The following IL17RD variants were observed in gnomAD, a reference collection of about 807,000 sequenced individuals.
The protein encoded by IL17RD is interleukin-17 receptor D.
In IL17RD, 52 loss-of-function variants were observed where a neutral mutation model predicts 80.5. That is an observed-to-expected ratio of 0.65 (90% confidence interval 0.52 to 0.81). The LOEUF (loss-of-function observed/expected upper bound fraction) is 0.81. Among genes scored for constraint, IL17RD ranks in the 40% least tolerant of loss-of-function variants. IL17RD has a pLI of 0.00. For synonymous variants in IL17RD, 416 were observed against 391.8 expected (o/e 1.06, Z -0.73); for missense variants, 1,024 against 955.1 (o/e 1.07, Z -0.95).
intron 11 of IL17RD, 116 bp from the exon 12 acceptor site, chr3:57,098,654 A>G: frequency 1.4e-6 from 1 of 706,056 alleles, no homozygotes; most frequent in South Asian, 1.8e-5. Flanking sequence ...CTTAACCCTT[A>G]TTAGCACAGC....
upstream of IL17RD, among the ~76,000 whole-genome samples, chr3:57,166,477 G>A (rs934950640): frequency 1.3e-5 from 2 of 152,056 alleles, no homozygotes; most frequent in African/African-American, 2.4e-5. Flanking sequence ...ACTGAAGCCT[G>A]AGTGACACAG....
chr3:57,142,543 C>A, intron 1 of IL17RD: 1 of 1,278,500 alleles, frequency 7.8e-7, no homozygotes, highest in Non-Finnish European at 1.0e-6. Context: ...ACCTCCCCCA[C>A]TCCGGCCTCC....
intron 2 of IL17RD, among the ~76,000 whole-genome samples, chr3:57,115,290 T>C (rs1326869394): frequency 2.6e-5 from 4 of 152,208 alleles, no homozygotes; most frequent in African/African-American, 4.8e-5. Flanking sequence ...TGTGAATTCA[T>C]AGGGGAGAGA....
At chr3:57,109,739 A>G (rs1707051861) in intron 4 of IL17RD, 82 bp from the exon 5 acceptor site, 5 of 1,373,486 alleles carry the variant, frequency 3.6e-6, no homozygotes, top group Non-Finnish European at 5.0e-6. Context: ...TCCTACCCCA[A>G]CTGCCACCCA....
Position 57,136,641 on chromosome 3 carries a change from C to CAA in IL17RD, c.127-16330_127-16329dup, listed in dbSNP as rs59941543. Among the ~76,000 whole-genome samples the CAA allele has an allele frequency of 8.1e-3, 387 of 47,896 alleles. 4 individuals carry two copies. The highest frequency in any genetic ancestry group is 8.8e-3 in the African/African-American group (121 of 13,718). 31.4% of individuals were successfully genotyped at this position (47,896 alleles called of 152,430 possible). ...CCCTCCCCCGCCCCCAACCCCCACT[C>CAA]AAAAAAAAAAAAAAAAAAAAAAACT... On this transcript the variant is annotated intron_variant, in intron 1 of 12. Coordinates refer to ENST00000296318, the MANE Select transcript of IL17RD (RefSeq NM_017563.5).
intron 5 of IL17RD, among the ~76,000 whole-genome samples, chr3:57,107,182 TC>T (rs1706983613): frequency 6.6e-6 from 1 of 151,944 alleles, no homozygotes; most frequent in Non-Finnish European, 1.5e-5. Flanking sequence ...ATCAAGACCA[TC>T]CTGGCTAACA....
Position 57,165,337 on chromosome 3 carries a change from G to A in IL17RD, c.-51C>T, listed in dbSNP as rs1474659135. On this transcript the variant is annotated 5_prime_UTR_variant, in exon 1 of 13. Coordinates refer to ENST00000296318, the MANE Select transcript of IL17RD (RefSeq NM_017563.5). The stretch of plus-strand genomic sequence containing the variant: ...GTTCTCTGCGCCCCGGCCGCCCGCC[G>A]CTGGCCAGCCCCGAGTGGGCGGTGG... 8.5e-6 allele frequency: 11 copies of A among 1,289,674 alleles called. No homozygotes were observed. The Admixed American group carries it at 4.0e-4, about 46-fold the overall frequency. 79.9% of individuals were successfully genotyped at this position (1,289,674 alleles called of 1,614,324 possible).
rs58398251 is a variant in IL17RD at position 57,127,412 on chromosome 3, A to ATTTT, written c.127-7103_127-7100dup. Among the ~76,000 whole-genome samples the ATTTT allele has an allele frequency of 1.3e-3, 115 of 91,148 alleles. 3 individuals carry two copies. The highest frequency in any genetic ancestry group is 4.9e-3 in the African/African-American group (100 of 20,428). The allele number at this position is 91,148 out of a possible 152,430, so 59.8% of individuals were successfully genotyped here. A position where few individuals can be genotyped will look rare whatever the true frequency, so the allele number is the denominator to read the frequency against. On this transcript the variant is annotated intron_variant, in intron 1 of 12. Coordinates refer to ENST00000296318, the MANE Select transcript of IL17RD (RefSeq NM_017563.5). ...AATAAATAAATATATATATATATAT[A>ATTTT]TTTTTTTTTTGAGATAAGAGTCTTG...
At chr3:57,113,846 T>G (rs574126379) in intron 3 of IL17RD, among the ~76,000 whole-genome samples, 2 of 151,902 alleles carry the variant, frequency 1.3e-5, no homozygotes, top group East Asian at 3.9e-4. Flanking sequence ...CTTGGCCTCC[T>G]TTTTTTTGTT....
intron 1 of IL17RD, among the ~76,000 whole-genome samples, chr3:57,154,301 C>T (rs2060253331): frequency 6.7e-6 from 1 of 149,008 alleles, no homozygotes; most frequent in Non-Finnish European, 1.5e-5. Context: ...CACACACACA[C>T]ATACATACAC....
intron 1 of IL17RD, among the ~76,000 whole-genome samples, 154 bp from the exon 2 acceptor site, chr3:57,120,467 C>A (rs1242457354): frequency 1.3e-5 from 2 of 152,200 alleles, no homozygotes; most frequent in Non-Finnish European, 2.9e-5. Flanking sequence ...CGCTTCATGG[C>A]CCCCCACAGC....
intron 1 of IL17RD, among the ~76,000 whole-genome samples, chr3:57,160,987 T>G (rs775502915): frequency 7.9e-5 from 12 of 152,096 alleles, no homozygotes; most frequent in Non-Finnish European, 1.8e-4. Flanking sequence ...AGTTAATAAC[T>G]AGCACAATGC....
At chr3:57,105,552 A>AAAAAT in intron 7 of IL17RD, among the ~76,000 whole-genome samples, 5 of 63,584 alleles carry the variant, frequency 7.9e-5, no homozygotes, top group African/African-American at 4.7e-4. Flanking sequence ...AAAAAAAAAA[A>AAAAAT]ATATATATAT....
chr3:57,146,816 T>C (rs1579311663), intron 1 of IL17RD, among the ~76,000 whole-genome samples: 1 of 138,836 alleles, frequency 7.2e-6, no homozygotes. Context: ...GTGTGAGAGG[T>C]ATTCTTTTTT....
chr3:57,127,261 TAA>T (rs1348148775), intron 1 of IL17RD, among the ~76,000 whole-genome samples: 1 of 87,552 alleles, frequency 1.1e-5, no homozygotes, highest in African/African-American at 5.6e-5. Context: ...TAAATATATA[TAA>T]ATATATATAA....
At chr3:57,127,857 G>A (rs945977623) in intron 1 of IL17RD, among the ~76,000 whole-genome samples, 1 of 152,052 alleles carries the variant, frequency 6.6e-6, no homozygotes, top group Non-Finnish European at 1.5e-5. Flanking sequence ...CAGAATATGG[G>A]GCCATTTGAC....
chr3:57,168,182 C>G (rs1033300466), upstream of IL17RD, among the ~76,000 whole-genome samples: 1 of 152,148 alleles, frequency 6.6e-6, no homozygotes, highest in Non-Finnish European at 1.5e-5. Context: ...CAGTACTTAG[C>G]ACTTACAAGA....
At chr3:57,126,934 A>G (rs930164285) in intron 1 of IL17RD, among the ~76,000 whole-genome samples, 6 of 150,908 alleles carry the variant, frequency 4.0e-5, no homozygotes, top group African/African-American at 1.5e-4. Context: ...AAGTGATCCT[A>G]CCCTCTCAGC....
At chr3:57,101,157 G>A in intron 11 of IL17RD, 22 bp downstream of exon 11, 1 of 1,606,710 alleles carries the variant, frequency 6.2e-7, no homozygotes, top group South Asian at 1.1e-5. Flanking sequence ...CAGGGTAGGA[G>A]AAGGAACTTT....
Sources: gnomAD v4.1 joint callset for allele counts (sites outside exome capture counted in the v4.1 genomes callset) on GRCh38, gnomAD v4.1.1 for gene constraint, MANE v1.5 for transcripts, NCBI Gene and HGNC (gene_info 2026-07-23, HGNC 2026-07-21) for gene names.